Variants in BCL7A observed in about 807,000 individuals in gnomAD.
BCL7A encodes the protein BAF chromatin remodeling complex subunit BCL7A, also known as B-cell CLL/lymphoma 7 protein family member A.
A neutral mutation model predicts 28.4 loss-of-function variants in BCL7A; 11 were observed. The observed-to-expected ratio is 0.39, with a 90% CI of 0.24 to 0.64. The LOEUF is 0.64. Ranked by LOEUF, BCL7A falls within the 30% of genes least tolerant of loss-of-function variation. BCL7A has a pLI of 0.50. For synonymous variants in BCL7A, 123 were observed against 103.3 expected (o/e 1.19, Z -1.15); for missense variants, 222 against 274.8 (o/e 0.81, Z 1.36).
Position 122,060,069 on chromosome 12 carries a change from G to C in BCL7A, c.*906G>C, listed in dbSNP as rs115452244. 2.4e-3 allele frequency: 553 copies of C among 233,302 alleles called. 4 individuals are homozygous for C. The highest frequency in any genetic ancestry group is 0.011 in the African/African-American group (514 of 45,388). The allele number at this position is 233,302 out of a possible 1,614,324, so 14.5% of individuals were successfully genotyped here. A position where few individuals can be genotyped will look rare whatever the true frequency, so the allele number is the denominator to read the frequency against. ...AATGGCTTCTCTGGCTGACTGCAAGGCTGTCTCCTTAAGGCACTGAGTGGG... is the reference window on the plus strand; with the variant it reads ...AATGGCTTCTCTGGCTGACTGCAAGCCTGTCTCCTTAAGGCACTGAGTGGG... On this transcript the variant is annotated 3_prime_UTR_variant, in exon 6 of 6. Transcript: ENST00000261822.
intron 4 of BCL7A, among the ~76,000 whole-genome samples, chr12:122,045,918 G>A (rs538752628): frequency 1.9e-4 from 29 of 151,562 alleles, no homozygotes; most frequent in African/African-American, 5.6e-4. Context: ...ACGAAACCCC[G>A]TCTCTACAAA....
At chr12:122,024,029 T>A (rs1883549017) in intron 1 of BCL7A, among the ~76,000 whole-genome samples, 1 of 152,180 alleles carries the variant, frequency 6.6e-6, no homozygotes, top group Admixed American at 6.5e-5. Flanking sequence ...AGCGGCCAGC[T>A]GCTCTGCAGG....
At chr12:122,052,867 TCG>T (rs1491110509) in intron 4 of BCL7A, among the ~76,000 whole-genome samples, 1,537 of 66,908 alleles carry the variant, frequency 0.023, 32 homozygotes, top group Non-Finnish European at 0.035. Flanking sequence ...ATTTTTTTAG[TCG>T]GGGGGGGGGG....
intron 4 of BCL7A, among the ~76,000 whole-genome samples, 188 bp from the exon 5 acceptor site, chr12:122,054,617 T>G (rs1884268857): frequency 6.6e-6 from 1 of 152,178 alleles, no homozygotes; most frequent in South Asian, 2.1e-4. Context: ...GTGACCTGGC[T>G]GCTGGAAACA....
Position 122,029,199 on chromosome 12 carries a change from G to C in BCL7A, c.93-1501G>C, listed in dbSNP as rs1183669760. Among the ~76,000 whole-genome samples, 1 of 152,164 alleles carries C rather than the reference G, an allele frequency of 6.6e-6. No homozygotes were observed. Among genetic ancestry groups the C allele is most frequent in the African/African-American group, 2.4e-5 (1 of 41,436 alleles). ...TGCCGGATGAGCCGGCACAGTCCTT[G>C]GTACATAGAAGGCGCTAGGAATGGC... is the stretch of plus-strand genomic sequence containing the variant. On this transcript the variant is annotated intron_variant, in intron 1 of 5. Coordinates refer to ENST00000261822, the MANE Select transcript of BCL7A (RefSeq NM_001024808.3). The surrounding 1 kb of genome is among the most constrained non-coding windows in gnomAD (Gnocchi z 4.3).
chr12:122,021,992 G>A lies in BCL7A; in HGVS notation c.-100G>A. The A allele has an allele frequency of 1.1e-6, 1 of 927,688 alleles. No individual in the cohort carries two copies. The highest frequency in any genetic ancestry group is 1.6e-6 in the Non-Finnish European group (1 of 609,482). 57.5% of individuals were successfully genotyped at this position (927,688 alleles called of 1,614,324 possible). A position where few individuals can be genotyped will look rare whatever the true frequency, so the allele number is the denominator to read the frequency against. Reference sequence around the variant, plus strand: ...CGTGTGAGAGTGCGAGTGTCTGTGCGCGAGTGAGTGAGCGGCGGGCGGGCG... The same window carrying A: ...CGTGTGAGAGTGCGAGTGTCTGTGCACGAGTGAGTGAGCGGCGGGCGGGCG... On this transcript the variant is annotated 5_prime_UTR_variant, in exon 1 of 6. Transcript: ENST00000261822.
chr12:122,050,751 G>C (rs1358755335), intron 4 of BCL7A, among the ~76,000 whole-genome samples: 2 of 152,216 alleles, frequency 1.3e-5, no homozygotes, highest in African/African-American at 4.8e-5. Context: ...AGCCATGATC[G>C]TGCCACTGCA....
intron 4 of BCL7A, among the ~76,000 whole-genome samples, chr12:122,047,060 C>T (rs1207836164): frequency 1.3e-5 from 2 of 151,812 alleles, no homozygotes; most frequent in Admixed American, 6.6e-5. Flanking sequence ...TGCACCACCA[C>T]GCCCGGCTAA....
chr12:122,030,513 C>T (rs1007813323), intron 1 of BCL7A, among the ~76,000 whole-genome samples, 187 bp from the exon 2 acceptor site: 1 of 152,196 alleles, frequency 6.6e-6, no homozygotes, highest in Non-Finnish European at 1.5e-5. Flanking sequence ...TGTGGTGTAA[C>T]GGGTGGAGAA....
At position 122,021,916 on chromosome 12, in the gene BCL7A, TTGTGTGTGTGTGTATGTG is replaced by T. The variant is rs1195940985; in HGVS notation, c.-162_-145del. On this transcript the variant is annotated 5_prime_UTR_variant, in exon 1 of 6. It removes an upstream start codon present in the reference 5' UTR. Coordinates refer to ENST00000261822, the MANE Select transcript of BCL7A (RefSeq NM_001024808.3). ...GCCAGGCGCGCGGCGGCCCCGGGCTTTGTGTGTGTGTGTATGTGTGTGTGTGTGTGTGTGTGTGTGTGA... is the reference window on the plus strand; with the variant it reads ...GCCAGGCGCGCGGCGGCCCCGGGCTTTGTGTGTGTGTGTGTGTGTGTGTGA... 1.1e-5 allele frequency: 4 copies of T among 353,830 alleles called. No individual in the cohort carries two copies. Among genetic ancestry groups the T allele is most frequent in the African/African-American group, 2.4e-5 (1 of 42,380 alleles). The allele number at this position is 353,830 out of a possible 1,614,324, so 21.9% of individuals were successfully genotyped here.
chr12:122,035,596 A>G (rs1883834816), intron 3 of BCL7A, among the ~76,000 whole-genome samples, 169 bp downstream of exon 3: 1 of 152,142 alleles, frequency 6.6e-6, no homozygotes, highest in Non-Finnish European at 1.5e-5. Context: ...AGCGGAGGAG[A>G]GGATGTTTCT....
intron 2 of BCL7A, among the ~76,000 whole-genome samples, chr12:122,032,164 A>G (rs776837740): frequency 6.6e-6 from 1 of 152,184 alleles, no homozygotes; most frequent in African/African-American, 2.4e-5. Context: ...CTGCCCGGCA[A>G]GTCTTGGGTC....
rs1457249309 is a variant in BCL7A at position 122,029,365 on chromosome 12, G to A, written c.93-1335G>A. Among the ~76,000 whole-genome samples the A allele has an allele frequency of 6.6e-6, 1 of 152,088 alleles. No homozygotes were observed. The highest frequency in any genetic ancestry group is 1.5e-5 in the Non-Finnish European group (1 of 68,018). ...TATGCTCCGTCATCCCGCAACCCCC[G>A]TGGTGACAGGGTGGGAGTCCTGTAA... On this transcript the variant is annotated intron_variant, in intron 1 of 5. Transcript: ENST00000261822. The surrounding 1 kb of genome is among the most constrained non-coding windows in gnomAD (Gnocchi z 4.3).
At chr12:122,046,060 TAAAAAAAAAA>T (rs776315126) in intron 4 of BCL7A, among the ~76,000 whole-genome samples, 2 of 62,868 alleles carry the variant, frequency 3.2e-5, no homozygotes, top group African/African-American at 6.6e-5. Context: ...GAGACCTTGC[TAAAAAAAAAA>T]AAAAAAAAAA....
At chr12:122,046,366 G>A (rs1884077360) in intron 4 of BCL7A, among the ~76,000 whole-genome samples, 1 of 152,194 alleles carries the variant, frequency 6.6e-6, no homozygotes, top group Non-Finnish European at 1.5e-5. Flanking sequence ...CCTGCAGCTA[G>A]GGCCACCCCA....
chr12:122,048,673 C>G (rs946228987), intron 4 of BCL7A, among the ~76,000 whole-genome samples: 28 of 151,924 alleles, frequency 1.8e-4, no homozygotes, highest in African/African-American at 6.5e-4. Flanking sequence ...CACTTGAGCC[C>G]AGGAGTTTGA....
At chr12:122,037,104 T>C (rs1179364753) in intron 3 of BCL7A, among the ~76,000 whole-genome samples, 3 of 152,240 alleles carry the variant, frequency 2.0e-5, no homozygotes, top group Non-Finnish European at 2.9e-5. Flanking sequence ...GCCCCGTGGC[T>C]GTGTGCTCCC....
At chr12:122,055,033 G>C in intron 5 of BCL7A, 107 bp downstream of exon 5, 1 of 1,595,212 alleles carries the variant, frequency 6.3e-7, no homozygotes, top group Non-Finnish European at 8.6e-7. Context: ...TTGTTTTGTC[G>C]TTGGACCATT....
chr12:122,023,404 T>G (rs1883522533), intron 1 of BCL7A, among the ~76,000 whole-genome samples: 1 of 151,952 alleles, frequency 6.6e-6, no homozygotes, highest in Admixed American at 6.5e-5. Flanking sequence ...GGGGGTGTCG[T>G]TTCTCGAGTA....
Sources: gnomAD v4.1 joint callset for allele counts (sites outside exome capture counted in the v4.1 genomes callset) on GRCh38, gnomAD v4.1.1 for gene constraint, Gnocchi (gnomAD v3.1) non-coding constraint, MANE v1.5 for transcripts, NCBI Gene and HGNC (gene_info 2026-07-23, HGNC 2026-07-21) for gene names.